The following DYNC2H1 variants were observed in gnomAD, a reference collection of about 807,000 sequenced individuals.
DYNC2H1 encodes the protein dynein cytoplasmic 2 heavy chain 1, also known as cytoplasmic dynein 2 heavy chain 1.
In DYNC2H1, 410 loss-of-function variants were observed where a neutral mutation model predicts 570.0. That is an observed-to-expected ratio of 0.72 (90% CI 0.66 to 0.78). DYNC2H1 has a LOEUF of 0.78. Among genes scored for constraint, DYNC2H1 ranks in the 30% least tolerant of loss-of-function variants. The pLI is 0.00. For synonymous variants in DYNC2H1, 1,688 were observed against 1,677.6 expected, an observed-to-expected ratio of 1.01 and a Z score of -0.15; for missense variants, 4,865 against 5,046.4, an observed-to-expected ratio of 0.96 and a Z score of 1.09.
At position 103,395,677 on chromosome 11, in the gene DYNC2H1, C is replaced by T. The variant is rs1942368575; in HGVS notation, c.12157-3986C>T. Among the ~76,000 whole-genome samples the T allele has an allele frequency of 6.6e-6, 1 of 152,068 alleles. No homozygotes were observed. Among genetic ancestry groups the T allele is most frequent in the Non-Finnish European group, 1.5e-5 (1 of 67,994 alleles). On this transcript the variant is annotated intron_variant, in intron 83 of 88. Coordinates refer to ENST00000375735, the MANE Select transcript of DYNC2H1 (RefSeq NM_001377.3). The surrounding 1 kb of genome is among the most constrained non-coding windows in gnomAD (Gnocchi z 4.3). ...CAGAATTCTTACCACATTTCATTGTCTCTGTTTGGTCATGCTGCCATCCCT... is the reference window on the plus strand; with the variant it reads ...CAGAATTCTTACCACATTTCATTGTTTCTGTTTGGTCATGCTGCCATCCCT...
At chr11:103,474,075 A>ATT in intron 88 of DYNC2H1, 1 of 242,338 alleles carries the variant, frequency 4.1e-6, no homozygotes, top group Admixed American at 4.4e-5. Context: ...TTTGTATGTT[A>ATT]TTTTTTTTCT....
At chr11:103,367,593 T>C (rs313374) in intron 83 of DYNC2H1, among the ~76,000 whole-genome samples, 84,030 of 151,906 alleles carry the variant, frequency 0.55, 25,025 homozygotes, top group Admixed American at 0.66. Flanking sequence ...TTCTTTGTGG[T>C]GAGAATGTGG....
chr11:103,280,361 T>A lies in DYNC2H1; in HGVS notation c.10709T>A (p.Met3570Lys). The change falls in exon 71 of 89, where the codon ATG (methionine) becomes AAG (lysine). Residue 3570 changes from methionine to lysine, a missense_variant. This residue lies in a region of DYNC2H1 where 2,401 missense variants were observed against 2,454.6 expected (regional missense o/e 0.98). Coordinates refer to ENST00000375735, the MANE Select transcript of DYNC2H1 (RefSeq NM_001377.3). This position sits in a 1 kb window ranked among gnomAD's most constrained non-coding sequence, Gnocchi z 4.7. Reference protein sequence around the residue: ...CRCLFKADQLMFALHFVRGMH... With the variant: ...CRCLFKADQLKFALHFVRGMH... ...TATTCTTTGCAGGCTGATCAGTTGATGTTCGCTTTGCATTTTGTTCGAGGC... is the reference window on the plus strand; with the variant it reads ...TATTCTTTGCAGGCTGATCAGTTGAAGTTCGCTTTGCATTTTGTTCGAGGC... The A allele has an allele frequency of 6.4e-7, 1 of 1,555,466 alleles. No individual in the cohort carries two copies. Among genetic ancestry groups the A allele is most frequent in the Non-Finnish European group, 8.7e-7 (1 of 1,148,198 alleles).
At chr11:103,454,162 T>A (rs1944708963) in intron 85 of DYNC2H1, among the ~76,000 whole-genome samples, 1 of 152,130 alleles carries the variant, frequency 6.6e-6, no homozygotes, top group African/African-American at 2.4e-5. Context: ...GGGTAAATAA[T>A]AGGGTGTTAC....
chr11:103,433,924 A>G (rs529734707), intron 84 of DYNC2H1, among the ~76,000 whole-genome samples: 8 of 152,264 alleles, frequency 5.3e-5, no homozygotes, highest in Admixed American at 1.3e-4. Context: ...TTCCTATTCA[A>G]AAAGGGAAGA....
At chr11:103,347,925 C>T (rs903986527) in intron 82 of DYNC2H1, among the ~76,000 whole-genome samples, 7 of 152,022 alleles carry the variant, frequency 4.6e-5, no homozygotes, top group African/African-American at 7.3e-5. Context: ...TTTCTTTGCT[C>T]TCTTGAAAGG....
At chr11:103,428,569 T>C (rs537300073) in intron 84 of DYNC2H1, among the ~76,000 whole-genome samples, 1 of 152,180 alleles carries the variant, frequency 6.6e-6, no homozygotes, top group South Asian at 2.1e-4. Context: ...TTGACATTGC[T>C]GTACAGCTAA....
At chr11:103,374,412 T>C (rs555610577) in intron 83 of DYNC2H1, among the ~76,000 whole-genome samples, 2 of 152,290 alleles carry the variant, frequency 1.3e-5, no homozygotes, top group African/African-American at 4.8e-5. Context: ...AACAGACTAA[T>C]ACAGTAAATT....
intron 61 of DYNC2H1, among the ~76,000 whole-genome samples, chr11:103,235,093 T>G (rs1042304078): frequency 1.3e-5 from 2 of 151,982 alleles, no homozygotes; most frequent in Non-Finnish European, 2.9e-5. Flanking sequence ...AGCTGAATTA[T>G]CTTTATAAAA....
At chr11:103,309,876 C>A (rs1867495638) in intron 78 of DYNC2H1, among the ~76,000 whole-genome samples, 1 of 151,836 alleles carries the variant, frequency 6.6e-6, no homozygotes, top group South Asian at 2.1e-4. Flanking sequence ...TAATGTGTAA[C>A]CTTTTCTGGG....
In DYNC2H1 at chr11:103,261,458, A is replaced by T. The variant is rs942222551; in HGVS notation, c.10695+1481A>T. On this transcript the variant is annotated intron_variant, in intron 70 of 88. Transcript: ENST00000375735. The surrounding 1 kb of genome is among the most constrained non-coding windows in gnomAD (Gnocchi z 4.8). ...CTCATATAGGAGCACTGCAGCTGGC[A>T]TCTGGTGCGTGCCCCTCTAGGACGA... is the stretch of plus-strand genomic sequence containing the variant. Among the ~76,000 whole-genome samples, 21 of 152,202 alleles carry T rather than the reference A, an allele frequency of 1.4e-4. No individual in the cohort carries two copies. The highest frequency in any genetic ancestry group is 9.2e-4 in the Admixed American group (14 of 15,282).
In DYNC2H1 at chr11:103,479,255, A is replaced by T; in HGVS notation, c.*2A>T. On this transcript the variant is annotated 3_prime_UTR_variant, in exon 89 of 89. Transcript: ENST00000375735. Reference sequence around the variant, plus strand: ...GCTCTATTCCTAAAAAATCAGTAGAATCTAATGACAACAAAAGCCATCTTC... The same window carrying T: ...GCTCTATTCCTAAAAAATCAGTAGATTCTAATGACAACAAAAGCCATCTTC... 6.2e-7 allele frequency: 1 copy of T among 1,607,314 alleles called. No homozygotes were observed. The highest frequency in any genetic ancestry group is 8.5e-7 in the Non-Finnish European group (1 of 1,176,228).
At chr11:103,351,910 A>G (rs954876614) in intron 82 of DYNC2H1, among the ~76,000 whole-genome samples, 1 of 152,262 alleles carries the variant, frequency 6.6e-6, no homozygotes, top group African/African-American at 2.4e-5. Context: ...TTTAACTTCT[A>G]ATTTAATTTT....
chr11:103,357,296 CA>C (rs1470268762), intron 82 of DYNC2H1, among the ~76,000 whole-genome samples: 45 of 152,104 alleles, frequency 3.0e-4, no homozygotes, highest in African/African-American at 1.1e-3. Flanking sequence ...ATAATAAGGA[CA>C]TTATAGAAGT....
chr11:103,193,891 G>C (rs1862415937), intron 47 of DYNC2H1, among the ~76,000 whole-genome samples: 1 of 151,946 alleles, frequency 6.6e-6, no homozygotes, highest in South Asian at 2.1e-4. Flanking sequence ...ATTAGATCTA[G>C]GCATATAGGA....
chr11:103,212,076 G>A (rs1863178544), intron 54 of DYNC2H1, 133 bp downstream of exon 54: 2 of 1,129,526 alleles, frequency 1.8e-6, no homozygotes, highest in Non-Finnish European at 2.3e-6. Context: ...TTGGAAAACA[G>A]TCTCACTTTC....
At position 103,132,215 on chromosome 11, in the gene DYNC2H1, C is replaced by G. The variant is rs573512669; in HGVS notation, c.1954-1340C>G. Among the ~76,000 whole-genome samples the G allele has an allele frequency of 4.6e-5, 7 of 152,146 alleles. No individual in the cohort carries two copies. The East Asian group carries it at 7.7e-4, about 17-fold the overall frequency. ...CTCTTTGTTGTTCAAATTACATAAA[C>G]TCTCTTGATTTTTTCTCAAATGTAC... is the stretch of plus-strand genomic sequence containing the variant. On this transcript the variant is annotated intron_variant, in intron 13 of 88. Coordinates refer to ENST00000375735, the MANE Select transcript of DYNC2H1 (RefSeq NM_001377.3).
In DYNC2H1 at chr11:103,143,302, C is replaced by G; in HGVS notation, c.2609C>G (p.Ala870Gly). 1 of 1,613,214 alleles carries G rather than the reference C, an allele frequency of 6.2e-7. No homozygotes were observed. The highest frequency in any genetic ancestry group is 8.5e-7 in the Non-Finnish European group (1 of 1,179,566). Residue 870 changes from alanine (A) to glycine (G), a missense_variant, in exon 18 of 89, where the codon GCT becomes GGT. Ala to Gly is a moderately conservative substitution (Grantham distance 60). Coordinates refer to ENST00000375735, the MANE Select transcript of DYNC2H1 (RefSeq NM_001377.3). ...WIVIGQVDME[A>G]LVEKHLFTVH... Reference sequence around the variant, plus strand: ...GTAATTGGGCAAGTTGATATGGAAGCTCTGGTGGAAAAGCATCTTTTTACT... The same window carrying G: ...GTAATTGGGCAAGTTGATATGGAAGGTCTGGTGGAAAAGCATCTTTTTACT...
intron 59 of DYNC2H1, among the ~76,000 whole-genome samples, chr11:103,230,356 G>A (rs757547661): frequency 1.1e-4 from 17 of 152,144 alleles, no homozygotes; most frequent in African/African-American, 3.9e-4. Context: ...ATATGGACTG[G>A]CCATTTTATG....
Sources: allele counts gnomAD v4.1 joint callset (sites outside exome capture counted in the v4.1 genomes callset), GRCh38; gene constraint gnomAD v4.1.1; regional missense constraint gnomAD v4.1.1; non-coding constraint Gnocchi (gnomAD v3.1); transcripts MANE v1.5; gene names NCBI Gene and HGNC (gene_info 2026-07-23, HGNC 2026-07-21).